KCNH7: variants seen among roughly 807,000 people sequenced by gnomAD.
KCNH7 encodes the protein voltage-gated inwardly rectifying potassium channel KCNH7.
Under a neutral mutation model 120.8 loss-of-function variants are expected in KCNH7, and 49 were observed. That is an observed-to-expected ratio of 0.41 (90% CI 0.32 to 0.51). The LOEUF is 0.51. Ranked by LOEUF, KCNH7 falls within the 20% of genes least tolerant of loss-of-function variation. The pLI, the probability that KCNH7 is intolerant of heterozygous loss-of-function variation, is 0.38. For missense variants in KCNH7, 1,097 were observed against 1,446.6 expected (o/e 0.76, Z 3.92); for synonymous variants, 547 against 516.1 (o/e 1.06, Z -0.81).
rs532769041 is a variant in KCNH7 at position 162,561,237 on chromosome 2, A to T, written c.308-24157T>A. Among the ~76,000 whole-genome samples the T allele has an allele frequency of 2.0e-5, 3 of 150,674 alleles. No homozygotes were observed. The East Asian group carries it at 5.9e-4, about 30-fold the overall frequency. On this transcript the variant is annotated intron_variant, in intron 2 of 15. Coordinates refer to ENST00000332142, the MANE Select transcript of KCNH7 (RefSeq NM_033272.4). ...GCATATGCTCCTTTTTTTCCTTTAAACTCTTTTCTTTCTTTATCTATTTTG... is the reference window on the plus strand; with the variant it reads ...GCATATGCTCCTTTTTTTCCTTTAATCTCTTTTCTTTCTTTATCTATTTTG...
chr2:162,701,036 G>A (rs1686477690), intron 2 of KCNH7, among the ~76,000 whole-genome samples: 1 of 152,152 alleles, frequency 6.6e-6, no homozygotes, highest in Non-Finnish European at 1.5e-5. Flanking sequence ...ATAATCAGAT[G>A]CTGTTTATAA....
intron 12 of KCNH7, among the ~76,000 whole-genome samples, chr2:162,387,136 C>T (rs1408352774): frequency 6.7e-6 from 1 of 149,884 alleles, no homozygotes; most frequent in Non-Finnish European, 1.5e-5. Flanking sequence ...AAAAACCCAC[C>T]TTTATTTCTG....
intron 2 of KCNH7, among the ~76,000 whole-genome samples, chr2:162,687,209 A>G (rs952928343): frequency 6.6e-6 from 1 of 152,046 alleles, no homozygotes; most frequent in Non-Finnish European, 1.5e-5. Context: ...CACAACCTTG[A>G]CGATTTGCGT....
At chr2:162,706,826 TA>T (rs1397862178) in intron 2 of KCNH7, among the ~76,000 whole-genome samples, 3 of 152,102 alleles carry the variant, frequency 2.0e-5, no homozygotes, top group Non-Finnish European at 2.9e-5. Flanking sequence ...CTCTCATACT[TA>T]AAAAGGCAAT....
chr2:162,738,202 T>C (rs945923031), intron 2 of KCNH7, among the ~76,000 whole-genome samples: 4 of 151,482 alleles, frequency 2.6e-5, no homozygotes, highest in African/African-American at 9.8e-5. Context: ...TCATTGGTCA[T>C]GTTCTGATGA....
intron 2 of KCNH7, among the ~76,000 whole-genome samples, chr2:162,735,424 A>C (rs1456014964): frequency 6.6e-6 from 1 of 152,168 alleles, no homozygotes; most frequent in African/African-American, 2.4e-5. Context: ...GCTTTCCTAT[A>C]AGTTGCTTAT....
chr2:162,507,548 C>T (rs1307286427), intron 5 of KCNH7, among the ~76,000 whole-genome samples: 3 of 151,526 alleles, frequency 2.0e-5, no homozygotes, highest in Non-Finnish European at 3.0e-5. Flanking sequence ...ATTTTCCATT[C>T]CATCTTCAAT....
At chr2:162,610,328 T>A (rs908386571) in intron 2 of KCNH7, among the ~76,000 whole-genome samples, 11 of 28,392 alleles carry the variant, frequency 3.9e-4, no homozygotes, top group Non-Finnish European at 5.2e-4. Context: ...TAAATGAGGA[T>A]TTTTTTTTCT....
intron 2 of KCNH7, among the ~76,000 whole-genome samples, chr2:162,760,501 A>G (rs1574352666): frequency 1.3e-5 from 2 of 152,194 alleles, no homozygotes; most frequent in African/African-American, 2.4e-5. Context: ...CTTAATGTCT[A>G]TGCCTTGTAG....
At chr2:162,570,316 G>C (rs1693420998) in intron 2 of KCNH7, among the ~76,000 whole-genome samples, 1 of 151,414 alleles carries the variant, frequency 6.6e-6, no homozygotes, top group Admixed American at 6.6e-5. Flanking sequence ...ATCTTTGTTG[G>C]TTTAAAGTCT....
intron 2 of KCNH7, among the ~76,000 whole-genome samples, chr2:162,827,840 G>A (rs910769993): frequency 1.3e-5 from 2 of 152,048 alleles, no homozygotes; most frequent in East Asian, 1.9e-4. Context: ...ATGGGATAAC[G>A]TCTGCTCCCA....
chr2:162,632,330 A>G (rs929939027), intron 2 of KCNH7, among the ~76,000 whole-genome samples: 4 of 151,978 alleles, frequency 2.6e-5, no homozygotes, highest in Non-Finnish European at 2.9e-5. Context: ...CTAGATGGAG[A>G]AAGCTGCAAG....
At chr2:162,612,901 A>G (rs906086365) in intron 2 of KCNH7, among the ~76,000 whole-genome samples, 6 of 152,062 alleles carry the variant, frequency 3.9e-5, no homozygotes, top group Non-Finnish European at 7.4e-5. Flanking sequence ...TCACTAATAA[A>G]TTACTAATAT....
intron 2 of KCNH7, among the ~76,000 whole-genome samples, chr2:162,800,205 T>C (rs1048183374): frequency 7.3e-5 from 11 of 151,666 alleles, no homozygotes; most frequent in African/African-American, 1.5e-4. Flanking sequence ...AGATGTAGCA[T>C]TGTAGAAAAT....
intron 2 of KCNH7, among the ~76,000 whole-genome samples, chr2:162,807,462 G>T (rs898407238): frequency 6.6e-6 from 1 of 151,206 alleles, no homozygotes. Context: ...AACCCAACAA[G>T]ACAAAACTCT....
intron 2 of KCNH7, among the ~76,000 whole-genome samples, chr2:162,603,199 A>G (rs1456474575): frequency 2.0e-5 from 3 of 152,060 alleles, no homozygotes; most frequent in Non-Finnish European, 4.4e-5. Context: ...AACTATAGAT[A>G]TTGCTGGTAC....
intron 2 of KCNH7, among the ~76,000 whole-genome samples, chr2:162,665,342 C>T (rs1409584154): frequency 3.3e-5 from 5 of 151,996 alleles, no homozygotes; most frequent in African/African-American, 9.7e-5. Flanking sequence ...TCCAAAGTCA[C>T]AGTAGAGGAT....
intron 2 of KCNH7, among the ~76,000 whole-genome samples, chr2:162,720,364 G>T (rs1476266159): frequency 1.4e-5 from 2 of 146,068 alleles, no homozygotes; most frequent in Non-Finnish European, 3.0e-5. Flanking sequence ...GAGAGACAAT[G>T]AACCAAAGGA....
At chr2:162,792,708 A>AT (rs35169559) in intron 2 of KCNH7, among the ~76,000 whole-genome samples, 72,123 of 117,010 alleles carry the variant, frequency 0.62, 23,101 homozygotes, top group South Asian at 0.76. Flanking sequence ...CAAGCAGCTT[A>AT]TTTTTTTTTT....
Sources: allele counts gnomAD v4.1 joint callset (sites outside exome capture counted in the v4.1 genomes callset), GRCh38; gene constraint gnomAD v4.1.1; transcripts MANE v1.5; gene names NCBI Gene and HGNC (gene_info 2026-07-23, HGNC 2026-07-21).